Variants in PSMG1 observed in about 807,000 individuals in gnomAD.
PSMG1 encodes proteasome assembly chaperone 1, also known as Down syndrome critical region gene 2.
Under a neutral mutation model 37.2 loss-of-function variants are expected in PSMG1, and 23 were observed. The observed-to-expected ratio is 0.62, with a 90% CI of 0.44 to 0.88. PSMG1 has a LOEUF of 0.88. PSMG1 is among the 40% of genes least tolerant of loss of function. The pLI is 0.00. For missense variants in PSMG1, 340 were observed against 344.2 expected, an observed-to-expected ratio of 0.99 and a Z score of 0.10; for synonymous variants, 127 against 128.0, an observed-to-expected ratio of 0.99 and a Z score of 0.05.
Position 39,183,108 on chromosome 21 carries a change from G to C in PSMG1, c.134+144C>G, listed in dbSNP as rs562391581. ...ACGCCGCGGCTTCACGGAGACCCAG[G>C]GCCCAAGCAGAGCCAAGGAGCGGCG... On this transcript the variant is annotated intron_variant, in intron 1 of 6. Coordinates refer to ENST00000331573, the MANE Select transcript of PSMG1 (RefSeq NM_003720.4). 1.7e-5 allele frequency: 18 copies of C among 1,066,838 alleles called. No individual in the cohort carries two copies. In the South Asian group the frequency reaches 2.8e-4, roughly 16 times the overall value. 66.1% of individuals were successfully genotyped at this position (1,066,838 alleles called of 1,614,324 possible). A position where few individuals can be genotyped will look rare whatever the true frequency, so the allele number is the denominator to read the frequency against.
At chr21:39,178,269 G>A (rs899482771) in intron 5 of PSMG1, among the ~76,000 whole-genome samples, 180 bp downstream of exon 5, 1 of 152,126 alleles carries the variant, frequency 6.6e-6, no homozygotes, top group African/African-American at 2.4e-5. Flanking sequence ...AACTGTGTCT[G>A]GAAAATCTGA....
intron 6 of PSMG1, among the ~76,000 whole-genome samples, chr21:39,176,920 GA>G (rs1460165159): frequency 1.3e-5 from 2 of 152,170 alleles, no homozygotes; most frequent in Non-Finnish European, 2.9e-5. Flanking sequence ...AACTACCTGA[GA>G]TTACAGGCAA....
chr21:39,175,372 T>C lies in PSMG1; in HGVS notation c.*218A>G, dbSNP rs2030589626. On this transcript the variant is annotated 3_prime_UTR_variant, in exon 7 of 7. Coordinates refer to ENST00000331573, the MANE Select transcript of PSMG1 (RefSeq NM_003720.4). ...ACCTTAAAATATTCAAATACAACAA[T>C]ACTCCCACCTAGTGGATAAAAGGAA... is the stretch of plus-strand genomic sequence containing the variant. The C allele has an allele frequency of 1.9e-5, 7 of 366,106 alleles. No homozygotes were observed. In the South Asian group the frequency reaches 4.1e-4, roughly 21 times the overall value. The allele number at this position is 366,106 out of a possible 1,614,324, so 22.7% of individuals were successfully genotyped here.
chr21:39,182,395 C>T (rs2030870811), intron 1 of PSMG1, among the ~76,000 whole-genome samples: 1 of 152,188 alleles, frequency 6.6e-6, no homozygotes, highest in Admixed American at 6.5e-5. Context: ...TGAAGTGACA[C>T]GTCTAAATGT....
chr21:39,178,722 C>T, intron 4 of PSMG1, 75 bp from the exon 5 acceptor site: 3 of 1,311,148 alleles, frequency 2.3e-6, no homozygotes, highest in Non-Finnish European at 3.2e-6. Context: ...TCTAGGTATT[C>T]ACCTAACACC....
At chr21:39,183,164 G>A in intron 1 of PSMG1, 88 bp downstream of exon 1, 1 of 1,394,200 alleles carries the variant, frequency 7.2e-7, no homozygotes, top group Non-Finnish European at 9.3e-7. Flanking sequence ...GAAGACCGCG[G>A]AGCCCCGGCC....
rs758362425 is a variant in PSMG1, at chr21:39,180,368, C to T, written c.310G>A (p.Glu104Lys). 1.2e-6 allele frequency: 2 copies of T among 1,612,092 alleles called. No homozygotes were observed. The highest frequency in any genetic ancestry group is 1.7e-6 in the Non-Finnish European group (2 of 1,178,976). Residue 104 changes from glutamate to lysine, a missense_variant, in exon 3 of 7, where the codon GAA becomes AAA. Glu to Lys is a moderately conservative substitution (Grantham distance 56). Transcript: ENST00000331573. ...GTAGTGTCTGTTGTTCTACACCATT[C>T]ATTCCAGAGTTTAGCACAACCAACT... ...EEVGCAKLWN[E>K]WCRTTDTTHL...
chr21:39,177,474 C>CTTT lies in PSMG1; in HGVS notation c.752_753insAAA (p.Lys251dup). ...TCAAGCTTCTGGTAGAAAGTATAGG[C>CTTT]TTAAAAGCTTCCACTGTGATTAGGT... On this transcript the variant is annotated inframe_insertion, in exon 6 of 7. Transcript: ENST00000331573. The CTTT allele has an allele frequency of 6.2e-7, 1 of 1,606,848 alleles. No individual in the cohort carries two copies. Among genetic ancestry groups the CTTT allele is most frequent in the Middle Eastern group, 1.6e-4 (1 of 6,062 alleles).
At chr21:39,181,186 C>T (rs991473195) in intron 2 of PSMG1, among the ~76,000 whole-genome samples, 7 of 152,042 alleles carry the variant, frequency 4.6e-5, no homozygotes, top group African/African-American at 1.2e-4. Flanking sequence ...AGCTGGAGCA[C>T]GATCAGTGGG....
rs1217019928 is a variant in PSMG1, at chr21:39,181,870, C to T, written c.143G>A (p.Arg48Gln). The T allele has an allele frequency of 5.1e-6, 8 of 1,578,772 alleles. No homozygotes were observed. The highest frequency in any genetic ancestry group is 2.3e-5 in the East Asian group (1 of 43,280). ...TGTTTTTGTTTGTCTTCGAAGGAGCCGCACTTCCCTAACACAAGAAACAAG... is the reference window on the plus strand; with the variant it reads ...TGTTTTTGTTTGTCTTCGAAGGAGCTGCACTTCCCTAACACAAGAAACAAG... ...RLQLARKREV[R>Q]LLRRQTKTSL... is the part of the protein sequence containing the mutation. The change falls in exon 2 of 7, where the codon CGG becomes CAG. Residue 48 changes from arginine (R) to glutamine (Q), a missense_variant. Coordinates refer to ENST00000331573, the MANE Select transcript of PSMG1 (RefSeq NM_003720.4).
In PSMG1 at chr21:39,175,601, T is replaced by C. The variant is rs763327980; in HGVS notation, c.856A>G (p.Ile286Val). ...LMTTNEIQSN[I>V]YT ...AACAATGTTTAAGATCATGTATAAA[T>C]GTTACTCTGAATCTCATTTGTTGTC... The change falls in exon 7 of 7, where the codon ATT becomes GTT. Residue 286 changes from isoleucine (I) to valine (V), a missense_variant. Ile to Val is a conservative substitution (Grantham distance 29, BLOSUM62 3). Transcript: ENST00000331573. The C allele has an allele frequency of 6.3e-7, 1 of 1,593,416 alleles. No individual in the cohort carries two copies. Among genetic ancestry groups the C allele is most frequent in the Non-Finnish European group, 8.6e-7 (1 of 1,161,376 alleles).
intron 4 of PSMG1, among the ~76,000 whole-genome samples, chr21:39,179,711 T>C (rs900493222): frequency 9.9e-5 from 15 of 152,146 alleles, no homozygotes; most frequent in African/African-American, 2.4e-4. Context: ...TACCTCAGCA[T>C]TGAGGACGGG....
chr21:39,181,762 T>G lies in PSMG1; in HGVS notation c.241+10A>C. ...AACAAAATGACTAAGTCTTCTGCAT[T>G]TTCACTTACCTACTGCATTATTTCC... is the stretch of plus-strand genomic sequence containing the variant. On this transcript the variant is annotated intron_variant, in intron 2 of 6. Transcript: ENST00000331573. The G allele has an allele frequency of 4.6e-6, 7 of 1,508,174 alleles. No homozygotes were observed. Among genetic ancestry groups the G allele is most frequent in the Non-Finnish European group, 6.2e-6 (7 of 1,121,902 alleles). 93.4% of individuals were successfully genotyped at this position (1,508,174 alleles called of 1,614,324 possible).
At chr21:39,179,843 TTTAAG>T (rs1266681063) in intron 4 of PSMG1, 76 bp downstream of exon 4, 6 of 1,165,294 alleles carry the variant, frequency 5.1e-6, no homozygotes, top group Admixed American at 2.2e-5. Flanking sequence ...ACTGCATAAG[TTTAAG>T]TTAAAAGACA....
chr21:39,182,149 G>A (rs1439563218), intron 1 of PSMG1, among the ~76,000 whole-genome samples: 1 of 152,208 alleles, frequency 6.6e-6, no homozygotes, highest in Non-Finnish European at 1.5e-5. Context: ...AGACAGCTGG[G>A]GATAGCCTGC....
chr21:39,179,425 T>TC (rs1260326437), intron 4 of PSMG1, among the ~76,000 whole-genome samples: 1 of 152,162 alleles, frequency 6.6e-6, no homozygotes, highest in East Asian at 1.9e-4. Flanking sequence ...TCATTCCCTC[T>TC]CCCACCTACC....
rs1420984073 is a variant in PSMG1 at position 39,183,347 on chromosome 21, C to T, written c.39G>A (p.Pro13=). ...CTTCGTCCTCAGTCCCAGCTCGGCA[C>T]GGCGCCTTCACCACCTCTCCGAAGA... ...ATFFGEVVKA[P]CRAGTEDEEE... Residue 13 remains proline, a synonymous_variant, in exon 1 of 7, where the codon CCG becomes CCA. Coordinates refer to ENST00000331573, the MANE Select transcript of PSMG1 (RefSeq NM_003720.4). 3.8e-6 allele frequency: 6 copies of T among 1,573,734 alleles called. No homozygotes were observed. Among genetic ancestry groups the T allele is most frequent in the Admixed American group, 1.8e-5 (1 of 55,242 alleles).
chr21:39,177,078 G>T (rs1014050234), intron 6 of PSMG1, among the ~76,000 whole-genome samples: 6 of 152,002 alleles, frequency 3.9e-5, no homozygotes, highest in African/African-American at 1.5e-4. Flanking sequence ...ATAATAATTT[G>T]ATCCACACTA....
At position 39,175,491 on chromosome 21, in the gene PSMG1, T is replaced by C; in HGVS notation, c.*99A>G. 7.2e-7 allele frequency: 1 copy of C among 1,398,232 alleles called. No homozygotes were observed. Among genetic ancestry groups the C allele is most frequent in the Non-Finnish European group, 9.3e-7 (1 of 1,069,792 alleles). 86.6% of individuals were successfully genotyped at this position (1,398,232 alleles called of 1,614,324 possible). ...TTACAATTTTATTCCGTTTCATCAT[T>C]CTCAAAATATATCCCCCAAAAGTAA... On this transcript the variant is annotated 3_prime_UTR_variant, in exon 7 of 7. Coordinates refer to ENST00000331573, the MANE Select transcript of PSMG1 (RefSeq NM_003720.4).
Sources: allele counts gnomAD v4.1 joint callset (sites outside exome capture counted in the v4.1 genomes callset), GRCh38; gene constraint gnomAD v4.1.1; transcripts MANE v1.5; gene names NCBI Gene and HGNC (gene_info 2026-07-23, HGNC 2026-07-21).